The following SARM1 variants were observed in gnomAD, a reference collection of about 807,000 sequenced individuals.
SARM1 encodes the protein NAD(+) hydrolase SARM1.
SARM1 carries 60 observed loss-of-function variants against 65.1 expected under a neutral mutation model. The ratio of observed to expected loss-of-function variants is 0.92; its 90% CI spans 0.75 to 1.14. The LOEUF (loss-of-function observed/expected upper bound fraction) is 1.14. Ranked by LOEUF, SARM1 falls within the 50% of genes most tolerant of loss-of-function variation. The pLI, the probability that SARM1 is intolerant of heterozygous loss-of-function variation, is 0.00. For synonymous variants in SARM1, 417 were observed against 465.4 expected (o/e 0.90, Z 1.34); for missense variants, 913 against 1,015.7 (o/e 0.90, Z 1.37).
At position 28,384,851 on chromosome 17, in the gene SARM1, G is replaced by C. The variant is rs782585352; in HGVS notation, c.1315G>C (p.Asp439His). The stretch of plus-strand genomic sequence containing the variant: ...ACTCCTCCCCCAGGAGCAGCAGGTG[G>C]ATGGCGACCTGCTTCTGCGGCTCAC... ...YCESFREQQV[D>H]GDLLLRLTEE... Residue 439 changes from aspartate to histidine, a missense_variant, in exon 4 of 9, where the codon GAT becomes CAT. Transcript: ENST00000585482. This position sits in a 1 kb window ranked among gnomAD's most constrained non-coding sequence, Gnocchi z 4.4. The C allele has an allele frequency of 5.1e-6, 8 of 1,554,000 alleles. No individual in the cohort carries two copies. Among genetic ancestry groups the C allele is most frequent in the Middle Eastern group, 1.7e-4 (1 of 6,020 alleles).
chr17:28,374,110 AAAAAAAAAATAC>A (rs1158936384), intron 1 of SARM1: 3 of 150,974 alleles, frequency 2.0e-5, no homozygotes, highest in African/African-American at 7.3e-5. Context: ...CTACTAAAAA[AAAAAAAAAATAC>A]AAAAATTAGC....
chr17:28,381,557 G>A lies in SARM1; in HGVS notation c.825G>A (p.Ala275=), dbSNP rs1555585266. ...LLRLHACLAV[A]VLATNKEVER... The stretch of plus-strand genomic sequence containing the variant: ...GGCTGCACGCCTGCCTCGCAGTAGC[G>A]GTGTTGGCGACTAACAAGGAGGTGG... Residue 275 remains alanine (A), a synonymous_variant, in exon 2 of 9, where the codon GCG becomes GCA. Transcript: ENST00000585482. 1 of 1,590,446 alleles carries A rather than the reference G, an allele frequency of 6.3e-7. No homozygotes were observed. The highest frequency in any genetic ancestry group is 8.5e-7 in the Non-Finnish European group (1 of 1,169,794).
At chr17:28,391,879 C>CGTT (rs1259384997) in intron 7 of SARM1, among the ~76,000 whole-genome samples, 1 of 108,848 alleles carries the variant, frequency 9.2e-6, no homozygotes, top group Non-Finnish European at 1.8e-5. Context: ...GACTTGACTC[C>CGTT]GTTTTTTTTT....
At chr17:28,392,680 C>T (rs1257680548) in intron 7 of SARM1, among the ~76,000 whole-genome samples, 2 of 152,068 alleles carry the variant, frequency 1.3e-5, no homozygotes, top group Non-Finnish European at 2.9e-5. Context: ...CCCTTCCTCT[C>T]TGGGCTTTTT....
At chr17:28,377,401 G>A (rs555258275) in intron 1 of SARM1, among the ~76,000 whole-genome samples, 1 of 152,270 alleles carries the variant, frequency 6.6e-6, no homozygotes, top group African/African-American at 2.4e-5. Context: ...ACCAGCCTGG[G>A]CAATATAATG....
chr17:28,381,357 G>C lies in SARM1; in HGVS notation c.625G>C (p.Asp209His). The C allele has an allele frequency of 6.3e-7, 1 of 1,577,548 alleles. No individual in the cohort carries two copies. The highest frequency in any genetic ancestry group is 8.6e-7 in the Non-Finnish European group (1 of 1,162,886). ...GAGGCTGGTGGCGGCCGGCGGCCTG[G>C]ACGCGGTGCTGTATTGGTGCCGCCG... ...CQRLVAAGGL[D>H]AVLYWCRRTD... The change falls in exon 2 of 9, where the codon GAC becomes CAC. Residue 209 changes from aspartate (D) to histidine (H), a missense_variant. By Grantham distance (81) the Asp-to-His change is moderately conservative. This residue lies in a region of SARM1 where 862 missense variants were observed against 952.1 expected (regional missense o/e 0.91). Coordinates refer to ENST00000585482, the MANE Select transcript of SARM1 (RefSeq NM_015077.4).
rs1555589583 is a variant in SARM1 at position 28,401,257 on chromosome 17, C to T, written c.*4971C>T. On this transcript the variant is annotated 3_prime_UTR_variant, in exon 9 of 9. Coordinates refer to ENST00000585482, the MANE Select transcript of SARM1 (RefSeq NM_015077.4). Reference sequence around the variant, plus strand: ...TACCTATTTCCTAGATTGTGAGCAACATTAAGTTCACATGGAAATCACCCA... The same window carrying T: ...TACCTATTTCCTAGATTGTGAGCAATATTAAGTTCACATGGAAATCACCCA... 5.9e-6 allele frequency: 1 copy of T among 169,566 alleles called. No homozygotes were observed. The highest frequency in any genetic ancestry group is 1.3e-5 in the Non-Finnish European group (1 of 77,686). 10.5% of individuals were successfully genotyped at this position (169,566 alleles called of 1,614,324 possible).
chr17:28,395,770 C>A, intron 7 of SARM1, 135 bp from the exon 8 acceptor site: 2 of 846,564 alleles, frequency 2.4e-6, no homozygotes, highest in Non-Finnish European at 1.9e-6. Context: ...TTAAGGTAGA[C>A]ATCAAGGTGG....
chr17:28,389,634 C>G (rs2142435439), intron 7 of SARM1, among the ~76,000 whole-genome samples: 1 of 152,236 alleles, frequency 6.6e-6, no homozygotes, highest in Middle Eastern at 3.4e-3. Flanking sequence ...ACCCGTAATC[C>G]CAGCACTTTG....
At position 28,401,604 on chromosome 17, in the gene SARM1, C is replaced by G. The variant is rs1269151204; in HGVS notation, c.*5318C>G. On this transcript the variant is annotated 3_prime_UTR_variant, in exon 9 of 9. Transcript: ENST00000585482. ...CACAGTTTACAAAATGTGCAACAAC[C>G]CAACAGAAGTTGAGATTAAATTCTG... 6.6e-6 allele frequency: 1 copy of G among 152,234 alleles called. No homozygotes were observed. Among genetic ancestry groups the G allele is most frequent in the Non-Finnish European group, 1.5e-5 (1 of 68,088 alleles). 9.4% of individuals were successfully genotyped at this position (152,234 alleles called of 1,614,324 possible). A position where few individuals can be genotyped will look rare whatever the true frequency, so the allele number is the denominator to read the frequency against.
intron 7 of SARM1, among the ~76,000 whole-genome samples, chr17:28,393,408 G>A (rs576564500): frequency 5.3e-5 from 8 of 151,920 alleles, no homozygotes; most frequent in South Asian, 2.1e-4. Flanking sequence ...AAAATTAGCC[G>A]GACATGGTGG....
intron 7 of SARM1, chr17:28,395,502 C>T (rs1351523338): frequency 3.8e-5 from 7 of 184,274 alleles, no homozygotes; most frequent in Admixed American, 3.2e-4. Context: ...TGAACTCAAT[C>T]TCCAGCACCT....
chr17:28,380,044 AT>A (rs58375761), intron 1 of SARM1, among the ~76,000 whole-genome samples: 14,921 of 84,456 alleles, frequency 0.18, 964 homozygotes, highest in East Asian at 0.36. Flanking sequence ...CCCCTCATTG[AT>A]TTTTTTCTTT....
At chr17:28,387,213 ATTCTT>A (rs529727875) in intron 5 of SARM1, among the ~76,000 whole-genome samples, 128 of 149,282 alleles carry the variant, frequency 8.6e-4, no homozygotes, top group Middle Eastern at 3.4e-3. Flanking sequence ...ACACTGGGCA[ATTCTT>A]TTCTTTTCTT....
rs1555584091 is a variant in SARM1, at chr17:28,372,071, T to G, written c.39T>G (p.Cys13Trp). The part of the protein sequence containing the change: ...LTLLLSAYKL[C>W]RFFAMSGPRP... ...TGCTTCTCTCCGCCTACAAGCTGTG[T>G]CGCTTCTTCGCCATGTCGGGCCCAC... Residue 13 changes from cysteine to tryptophan, a missense_variant, in exon 1 of 9, where the codon TGT becomes TGG. Physicochemically the swap from Cys to Trp is radical, Grantham distance 215 (BLOSUM62 -2). Transcript: ENST00000585482. This position sits in a 1 kb window ranked among gnomAD's most constrained non-coding sequence, Gnocchi z 5.2. 3 of 1,501,068 alleles carry G rather than the reference T, an allele frequency of 2.0e-6. No homozygotes were observed. The highest frequency in any genetic ancestry group is 2.7e-6 in the Non-Finnish European group (3 of 1,131,698). 93.0% of individuals were successfully genotyped at this position (1,501,068 alleles called of 1,614,324 possible).
chr17:28,384,593 C>T lies in SARM1; in HGVS notation c.1302+24C>T. 5 of 1,558,930 alleles carry T rather than the reference C, an allele frequency of 3.2e-6. No individual in the cohort carries two copies. Among genetic ancestry groups the T allele is most frequent in the Non-Finnish European group, 4.3e-6 (5 of 1,150,230 alleles). Reference sequence around the variant, plus strand: ...GGGTAGAGTCGCGTGGGATACGCCTCCCCCGAGTCAGAGCGGGCGCCCTGT... The same window carrying T: ...GGGTAGAGTCGCGTGGGATACGCCTTCCCCGAGTCAGAGCGGGCGCCCTGT... On this transcript the variant is annotated intron_variant, in intron 3 of 8. Coordinates refer to ENST00000585482, the MANE Select transcript of SARM1 (RefSeq NM_015077.4). The surrounding 1 kb of genome is among the most constrained non-coding windows in gnomAD (Gnocchi z 4.4).
In SARM1 at chr17:28,400,604, C is replaced by T. The variant is rs782189198; in HGVS notation, c.*4318C>T. On this transcript the variant is annotated 3_prime_UTR_variant, in exon 9 of 9. Transcript: ENST00000585482. ...TTATGAGCATGGGTTCAGGGCCCTG[C>T]ATTACCCAATCAGAACAGCCGGGAT... 2 of 1,613,602 alleles carry T rather than the reference C, an allele frequency of 1.2e-6. No homozygotes were observed. The highest frequency in any genetic ancestry group is 3.3e-5 in the Admixed American group (2 of 59,988).
At position 28,399,819 on chromosome 17, in the gene SARM1, T is replaced by G; in HGVS notation, c.*3533T>G. ...TGGGGTGGGCTGGTCCAGGTAGCTC[T>G]CCTGAACCTCCTCCTTCCCCAAGCT... On this transcript the variant is annotated 3_prime_UTR_variant, in exon 9 of 9. Transcript: ENST00000585482. 2 of 1,058,390 alleles carry G rather than the reference T, an allele frequency of 1.9e-6. No homozygotes were observed. The highest frequency in any genetic ancestry group is 1.3e-5 in the South Asian group (1 of 77,182). 65.6% of individuals were successfully genotyped at this position (1,058,390 alleles called of 1,614,324 possible).
Position 28,399,888 on chromosome 17 carries a change from G to T in SARM1, c.*3602G>T. ...GGACAATATCCAGGGACATGGCTCT[G>T]GAAAATAACTTTTTTTTTTTTAAGA... is the stretch of plus-strand genomic sequence containing the variant. On this transcript the variant is annotated 3_prime_UTR_variant, in exon 9 of 9. Transcript: ENST00000585482. The T allele has an allele frequency of 1.5e-6, 1 of 650,228 alleles. No individual in the cohort carries two copies. 40.3% of individuals were successfully genotyped at this position (650,228 alleles called of 1,614,324 possible). A position where few individuals can be genotyped will look rare whatever the true frequency, so the allele number is the denominator to read the frequency against.
Sources: gnomAD v4.1 joint callset for allele counts (sites outside exome capture counted in the v4.1 genomes callset) on GRCh38, gnomAD v4.1.1 for gene constraint, gnomAD v4.1.1 regional missense constraint, Gnocchi (gnomAD v3.1) non-coding constraint, MANE v1.5 for transcripts, NCBI Gene and HGNC (gene_info 2026-07-23, HGNC 2026-07-21) for gene names.